Variants in PRPF39 observed in about 807,000 individuals in gnomAD.
The protein encoded by PRPF39 is pre-mRNA-processing factor 39.
A neutral mutation model predicts 82.1 loss-of-function variants in PRPF39; 27 were observed. The observed-to-expected ratio is 0.33, with a 90% CI of 0.24 to 0.45. The LOEUF is 0.45. Ranked by LOEUF, PRPF39 falls within the 20% of genes least tolerant of loss-of-function variation. The pLI is 1.00. For synonymous variants in PRPF39, 261 were observed against 256.4 expected (o/e 1.02, Z -0.17); for missense variants, 581 against 796.9 (o/e 0.73, Z 3.26).
rs373487961 is a variant in PRPF39 at position 45,101,130 on chromosome 14, T to C, written c.570-1399T>C. 1.4e-4 allele frequency among the ~76,000 whole-genome samples: 21 copies of C among 152,330 alleles called. No homozygotes were observed. In the East Asian group the frequency reaches 3.7e-3, roughly 27 times the overall value. On this transcript the variant is annotated intron_variant, in intron 4 of 13. Coordinates refer to ENST00000355765, the MANE Select transcript of PRPF39 (RefSeq NM_017922.4). Reference sequence around the variant, plus strand: ...CGTGTAATTACTATAGCTTCCTAGTTTCTTATATTATCTTTCAGGAAAATG... The same window carrying C: ...CGTGTAATTACTATAGCTTCCTAGTCTCTTATATTATCTTTCAGGAAAATG...
At chr14:45,088,925 A>G (rs1157886373) in intron 1 of PRPF39, among the ~76,000 whole-genome samples, 1 of 152,240 alleles carries the variant, frequency 6.6e-6, no homozygotes, top group Non-Finnish European at 1.5e-5. Context: ...CCATTTGAAG[A>G]AAGGTTCAAG....
Position 45,096,876 on chromosome 14 carries a change from T to A in PRPF39, c.451-11T>A, listed in dbSNP as rs1884216210. ...AAATATTTGAAGTACAGTTTGCTGT[T>A]TTCTTCTTAGGTTTATCGGCGGGGG... On this transcript the variant is annotated splice_polypyrimidine_tract_variant and intron_variant, in intron 3 of 13. Transcript: ENST00000355765. 8 of 1,543,802 alleles carry A rather than the reference T, an allele frequency of 5.2e-6. 1 individual carries two copies. The East Asian group carries it at 1.9e-4, about 37-fold the overall frequency.
intron 5 of PRPF39, among the ~76,000 whole-genome samples, chr14:45,104,012 T>C (rs1884451824): frequency 6.6e-6 from 1 of 152,190 alleles, no homozygotes; most frequent in South Asian, 2.1e-4. Flanking sequence ...GCAAGTACTA[T>C]TGTTCCCATT....
chr14:45,090,504 C>T (rs769898380), intron 1 of PRPF39, among the ~76,000 whole-genome samples: 9 of 152,276 alleles, frequency 5.9e-5, no homozygotes, highest in African/African-American at 9.6e-5. Context: ...CTTATCTTTT[C>T]AGTCATCATT....
At position 45,113,897 on chromosome 14, in the gene PRPF39, A is replaced by G. The variant is rs369387242; in HGVS notation, c.1758-286A>G. Among the ~76,000 whole-genome samples the G allele has an allele frequency of 1.3e-4, 20 of 152,328 alleles. No homozygotes were observed. The East Asian group carries it at 3.7e-3, about 28-fold the overall frequency. ...GCACATGCAGTAGGTAGCTGACAGT[A>G]GTAAGCTATTGGAATTTTGACCAGT... On this transcript the variant is annotated intron_variant, in intron 11 of 13. Coordinates refer to ENST00000355765, the MANE Select transcript of PRPF39 (RefSeq NM_017922.4).
In PRPF39 at chr14:45,115,789, G is replaced by A. The variant is rs952087709; in HGVS notation, c.*876G>A. Reference sequence around the variant, plus strand: ...ATGCTTTTGCCTTCTCATTATACAGGCAATCTGTCCAGATAATTTTACTGG... The same window carrying A: ...ATGCTTTTGCCTTCTCATTATACAGACAATCTGTCCAGATAATTTTACTGG... On this transcript the variant is annotated 3_prime_UTR_variant, in exon 14 of 14. Transcript: ENST00000355765. 1.9e-5 allele frequency: 3 copies of A among 155,282 alleles called. No individual in the cohort carries two copies. Among genetic ancestry groups the A allele is most frequent in the Admixed American group, 6.4e-5 (1 of 15,616 alleles). 9.6% of individuals were successfully genotyped at this position (155,282 alleles called of 1,614,324 possible).
In PRPF39 at chr14:45,107,532, T is replaced by A; in HGVS notation, c.819T>A (p.Ala273=). Residue 273 remains alanine (A), a synonymous_variant, in exon 6 of 14, where the codon GCT becomes GCA. Transcript: ENST00000355765. ...TTATTCAGTTGCGAAGGGAATTAGC[T>A]TCTGTAAATGGTCATAGTGGTGATG... ...EQFIQLRREL[A]SVNGHSGDDG... The A allele has an allele frequency of 3.8e-6, 6 of 1,558,528 alleles. No individual in the cohort carries two copies. The highest frequency in any genetic ancestry group is 5.2e-6 in the Non-Finnish European group (6 of 1,149,544).
rs1294930489 is a variant in PRPF39 at position 45,109,627 on chromosome 14, T to C, written c.1023T>C (p.Pro341=). Residue 341 remains proline, a synonymous_variant, in exon 8 of 14, where the codon CCT becomes CCC. Coordinates refer to ENST00000355765, the MANE Select transcript of PRPF39 (RefSeq NM_017922.4). The part of the protein sequence containing the change: ...RWTFEEGIKR[P]YFHVKPLEKA... ...CAATTTCATTTCAGATTAAAAGACC[T>C]TACTTTCATGTGAAACCTTTGGAAA... The C allele has an allele frequency of 6.2e-7, 1 of 1,602,512 alleles. No individual in the cohort carries two copies. The highest frequency in any genetic ancestry group is 1.1e-5 in the South Asian group (1 of 89,384).
intron 1 of PRPF39, 22 bp from the exon 2 acceptor site, chr14:45,095,199 T>C (rs1462097231): frequency 4.2e-6 from 6 of 1,436,860 alleles, no homozygotes; most frequent in African/African-American, 1.4e-5. Flanking sequence ...AAGATATTTC[T>C]CTTTTTTTCG....
At chr14:45,091,287 C>T (rs950312738) in intron 1 of PRPF39, among the ~76,000 whole-genome samples, 1 of 152,130 alleles carries the variant, frequency 6.6e-6, no homozygotes, top group African/African-American at 2.4e-5. Flanking sequence ...ACTATAGGCA[C>T]ACACCACTGT....
chr14:45,090,409 GT>G (rs2139036828), intron 1 of PRPF39, among the ~76,000 whole-genome samples: 1 of 151,958 alleles, frequency 6.6e-6, no homozygotes, highest in Admixed American at 6.6e-5. Flanking sequence ...AAATTCTTTT[GT>G]CCATAATATG....
In PRPF39 at chr14:45,110,863, T is replaced by C. The variant is rs1884676001; in HGVS notation, c.1572+46T>C. The C allele has an allele frequency of 2.7e-6, 4 of 1,480,554 alleles. No homozygotes were observed. Among genetic ancestry groups the C allele is most frequent in the Non-Finnish European group, 3.6e-6 (4 of 1,097,852 alleles). The allele number at this position is 1,480,554 out of a possible 1,614,324, so 91.7% of individuals were successfully genotyped here. On this transcript the variant is annotated intron_variant, in intron 10 of 13. Transcript: ENST00000355765. The surrounding 1 kb of genome is among the most constrained non-coding windows in gnomAD (Gnocchi z 4.0). ...GAGTATCTTCTATTAAAAAAACCAG[T>C]GGTCAGTGTATTTTCACTGTGGCAA... is the stretch of plus-strand genomic sequence containing the variant.
chr14:45,096,295 A>ATTTT (rs374922767), intron 3 of PRPF39, 67 bp downstream of exon 3: 1,211 of 1,287,848 alleles, frequency 9.4e-4, no homozygotes, highest in South Asian at 2.8e-3. Flanking sequence ...CAAAACAAAG[A>ATTTT]TTTTTTTTTT....
At chr14:45,090,785 A>T (rs1448849492) in intron 1 of PRPF39, among the ~76,000 whole-genome samples, 1 of 152,042 alleles carries the variant, frequency 6.6e-6, no homozygotes, top group African/African-American at 2.4e-5. Context: ...TGGTTAATAG[A>T]CATTAGTGAG....
chr14:45,102,885 A>C (rs1158095442), intron 5 of PRPF39, among the ~76,000 whole-genome samples, 189 bp downstream of exon 5: 1 of 152,206 alleles, frequency 6.6e-6, no homozygotes, highest in Non-Finnish European at 1.5e-5. Context: ...AATGTTTAGA[A>C]ATTTTACTGT....
chr14:45,096,295 ATTTTTT>A (rs374922767), intron 3 of PRPF39, 67 bp downstream of exon 3: 513 of 1,287,388 alleles, frequency 4.0e-4, no homozygotes, highest in East Asian at 1.6e-3. Context: ...CAAAACAAAG[ATTTTTT>A]TTTTTTTTTT....
chr14:45,107,502 A>G lies in PRPF39; in HGVS notation c.789A>G (p.Glu263=). The G allele has an allele frequency of 6.4e-7, 1 of 1,566,282 alleles. No individual in the cohort carries two copies. The highest frequency in any genetic ancestry group is 8.7e-7 in the Non-Finnish European group (1 of 1,152,298). Reference sequence around the variant, plus strand: ...TGCCTAGAGATCTTTTAACTGGTGAACAGTTTATTCAGTTGCGAAGGGAAT... The same window carrying G: ...TGCCTAGAGATCTTTTAACTGGTGAGCAGTTTATTCAGTTGCGAAGGGAAT... ...NNLPRDLLTG[E]QFIQLRRELA... is the part of the protein sequence containing the mutation. The change falls in exon 6 of 14, where the codon GAA becomes GAG. Residue 263 remains glutamate, a synonymous_variant. Coordinates refer to ENST00000355765, the MANE Select transcript of PRPF39 (RefSeq NM_017922.4).
intron 1 of PRPF39, among the ~76,000 whole-genome samples, chr14:45,085,165 G>T (rs1191464817): frequency 2.2e-4 from 34 of 152,174 alleles, no homozygotes; most frequent in Non-Finnish European, 1.5e-5. Context: ...AGCTTGAATG[G>T]AGTGAAAAGA....
intron 1 of PRPF39, among the ~76,000 whole-genome samples, chr14:45,089,416 G>T (rs1026976974): frequency 1.3e-5 from 2 of 152,102 alleles, no homozygotes; most frequent in African/African-American, 4.8e-5. Flanking sequence ...GTTTATTTCT[G>T]TGTTCTTTAT....
Sources: gnomAD v4.1 joint callset for allele counts (sites outside exome capture counted in the v4.1 genomes callset) on GRCh38, gnomAD v4.1.1 for gene constraint, Gnocchi (gnomAD v3.1) non-coding constraint, MANE v1.5 for transcripts, NCBI Gene and HGNC (gene_info 2026-07-23, HGNC 2026-07-21) for gene names.